The following GCNT2 variants were observed in gnomAD, a reference collection of about 807,000 sequenced individuals.
GCNT2 encodes N-acetyllactosaminide beta-1,6-N-acetylglucosaminyl-transferase.
A neutral mutation model predicts 34.2 loss-of-function variants in GCNT2; 34 were observed. The observed-to-expected ratio is 1.00, with a 90% CI of 0.76 to 1.32. The LOEUF (loss-of-function observed/expected upper bound fraction) is 1.32, where lower values mean the gene tolerates loss of function less well. Among genes scored for constraint, GCNT2 ranks in the 40% most tolerant of loss-of-function variants. The pLI is 0.00. For synonymous variants in GCNT2, 212 were observed against 188.0 expected, an observed-to-expected ratio of 1.13 and a Z score of -1.04; for missense variants, 584 against 489.4, an observed-to-expected ratio of 1.19 and a Z score of -1.82.
chr6:10,600,179 G>T (rs111494150), intron 3 of GCNT2, among the ~76,000 whole-genome samples: 114 of 152,292 alleles, frequency 7.5e-4, no homozygotes, highest in African/African-American at 2.7e-3. Context: ...GAGCAAAGGG[G>T]CAGTATGAAT....
At chr6:10,569,399 G>A (rs139643243) in intron 3 of GCNT2, among the ~76,000 whole-genome samples, 59 of 152,150 alleles carry the variant, frequency 3.9e-4, no homozygotes, top group Non-Finnish European at 5.4e-4. Context: ...TTGGCTCACC[G>A]CAGCCTCAAA....
chr6:10,608,770 A>G (rs966402518), intron 3 of GCNT2, among the ~76,000 whole-genome samples: 15 of 152,336 alleles, frequency 9.8e-5, no homozygotes, highest in Non-Finnish European at 2.1e-4. Context: ...ACATTTGCAT[A>G]AGCCAAGGTG....
rs1010819413 is a variant in GCNT2 at position 10,554,505 on chromosome 6, C to T, written c.925+24669C>T. ...AGTTGGAAACAATAATGTAAACAGA[C>T]TCTGTTGCCCAAATTAAGTTATGTG... On this transcript the variant is annotated intron_variant, in intron 3 of 4. Coordinates refer to ENST00000495262, the MANE Select transcript of GCNT2 (RefSeq NM_145649.5). Among the ~76,000 whole-genome samples, 8 of 152,310 alleles carry T rather than the reference C, an allele frequency of 5.3e-5. No homozygotes were observed. In the South Asian group the frequency reaches 1.0e-3, roughly 20 times the overall value.
chr6:10,600,760 TTTTATTTA>T (rs201018706), intron 3 of GCNT2, among the ~76,000 whole-genome samples: 1 of 151,950 alleles, frequency 6.6e-6, no homozygotes, highest in East Asian at 1.9e-4. Context: ...GCAGTTTTAT[TTTTATTTA>T]TTTATTTATT....
chr6:10,528,392 A>G (rs1761303918), intron 2 of GCNT2: 1 of 179,264 alleles, frequency 5.6e-6, no homozygotes, highest in Non-Finnish European at 1.2e-5. Flanking sequence ...CTTTAAACTG[A>G]AGCTCGTAGC....
rs76726315 is a variant in GCNT2 at position 10,594,651 on chromosome 6, T to A, written c.926-26700T>A. Among the ~76,000 whole-genome samples, 1,018 of 152,260 alleles carry A rather than the reference T, an allele frequency of 6.7e-3. 12 individuals carry two copies. Among genetic ancestry groups the A allele is most frequent in the Middle Eastern group, 0.017 (5 of 294 alleles). On this transcript the variant is annotated intron_variant, in intron 3 of 4. Transcript: ENST00000495262. ...ATCCACTTATTAATGTGAACATTTA[T>A]TAAGAAAAACCTACATGTGGTCTTG...
At chr6:10,590,242 T>C (rs112319435) in intron 3 of GCNT2, among the ~76,000 whole-genome samples, 2,243 of 152,014 alleles carry the variant, frequency 0.015, 44 homozygotes, top group African/African-American at 0.05. Context: ...CTACAAAAAA[T>C]TTAAAAATTA....
At chr6:10,531,202 A>C (rs1281816865) in intron 3 of GCNT2, among the ~76,000 whole-genome samples, 3 of 152,200 alleles carry the variant, frequency 2.0e-5, no homozygotes, top group African/African-American at 7.2e-5. Context: ...GTTGACTTTC[A>C]ATAAGGTCTC....
At chr6:10,620,428 A>T (rs563976176) in intron 3 of GCNT2, among the ~76,000 whole-genome samples, 1 of 150,448 alleles carries the variant, frequency 6.6e-6, no homozygotes, top group Admixed American at 6.6e-5. Context: ...TTATTTTGAG[A>T]CAGGGGCCTG....
chr6:10,592,679 A>T (rs1297002535), intron 3 of GCNT2, among the ~76,000 whole-genome samples: 1 of 152,152 alleles, frequency 6.6e-6, no homozygotes, highest in Non-Finnish European at 1.5e-5. Flanking sequence ...CGCCACCCCT[A>T]AAAAGGAAAT....
rs555922754 is a variant in GCNT2, at chr6:10,576,919, A to G, written c.926-44432A>G. On this transcript the variant is annotated intron_variant, in intron 3 of 4. Coordinates refer to ENST00000495262, the MANE Select transcript of GCNT2 (RefSeq NM_145649.5). ...CTAGACTCCATGTCTAAAAATAATA[A>G]CAATAATAATAATAATAATAAAATT... Among the ~76,000 whole-genome samples the G allele has an allele frequency of 2.6e-5, 4 of 151,316 alleles. No individual in the cohort carries two copies. In the South Asian group the frequency reaches 6.3e-4, roughly 24 times the overall value.
At chr6:10,572,962 G>A (rs638867) in intron 3 of GCNT2, among the ~76,000 whole-genome samples, 3 of 151,972 alleles carry the variant, frequency 2.0e-5, no homozygotes, top group Non-Finnish European at 4.4e-5. Context: ...CCTAACAAAC[G>A]GTCTAAACTC....
chr6:10,620,510 T>G (rs570911665), intron 3 of GCNT2, among the ~76,000 whole-genome samples: 1 of 152,024 alleles, frequency 6.6e-6, no homozygotes, highest in South Asian at 2.1e-4. Flanking sequence ...TAGGCTCACA[T>G]GATCCTCCCA....
intron 3 of GCNT2, among the ~76,000 whole-genome samples, chr6:10,532,417 C>A (rs1434914203): frequency 6.6e-6 from 1 of 152,192 alleles, no homozygotes; most frequent in Admixed American, 6.5e-5. Context: ...GCCGGAGGAC[C>A]CTGACCAGCT....
chr6:10,528,711 A>G lies in GCNT2; in HGVS notation c.-201A>G. The G allele has an allele frequency of 1.6e-6, 1 of 610,232 alleles. No individual in the cohort carries two copies. The highest frequency in any genetic ancestry group is 2.9e-6 in the Non-Finnish European group (1 of 345,016). The allele number at this position is 610,232 out of a possible 1,614,324, so 37.8% of individuals were successfully genotyped here. On this transcript the variant is annotated 5_prime_UTR_variant, in exon 3 of 5. Coordinates refer to ENST00000495262, the MANE Select transcript of GCNT2 (RefSeq NM_145649.5). ...CAGAAATGTGTCACAGAAAAGTGAA[A>G]ATGCAACCTAGTGGTAAGTGAAGAG...
At chr6:10,537,715 A>C (rs1561784240) in intron 3 of GCNT2, among the ~76,000 whole-genome samples, 2 of 146,916 alleles carry the variant, frequency 1.4e-5, no homozygotes, top group South Asian at 2.2e-4. Context: ...AAAAAAAAAA[A>C]AAAAAAAAAA....
intron 3 of GCNT2, among the ~76,000 whole-genome samples, chr6:10,587,448 G>C (rs1360085638): frequency 6.6e-6 from 1 of 152,204 alleles, no homozygotes; most frequent in Non-Finnish European, 1.5e-5. Flanking sequence ...CAAGTAGCCA[G>C]GTCTCAGCTC....
At position 10,587,874 on chromosome 6, in the gene GCNT2, G is replaced by A. The variant is rs190116393; in HGVS notation, c.926-33477G>A. The stretch of plus-strand genomic sequence containing the variant: ...TGGTTCTCATGAGCACAGTGACCCC[G>A]ACAAGCCTCACATACTTCCTGTCTA... On this transcript the variant is annotated intron_variant, in intron 3 of 4. Transcript: ENST00000495262. 1.4e-3 allele frequency among the ~76,000 whole-genome samples: 219 copies of A among 152,120 alleles called. 2 individuals carry two copies. The highest frequency in any genetic ancestry group is 4.8e-3 in the African/African-American group (200 of 41,496).
intron 3 of GCNT2, among the ~76,000 whole-genome samples, chr6:10,533,563 G>T (rs1054456253): frequency 6.6e-6 from 1 of 151,710 alleles, no homozygotes; most frequent in African/African-American, 2.4e-5. Flanking sequence ...CGAGGTGGGC[G>T]GATCACTTGA....
Sources: allele counts gnomAD v4.1 joint callset (sites outside exome capture counted in the v4.1 genomes callset), GRCh38; gene constraint gnomAD v4.1.1; transcripts MANE v1.5; gene names NCBI Gene and HGNC (gene_info 2026-07-23, HGNC 2026-07-21).